HSPA12A: variants seen among roughly 807,000 people sequenced by gnomAD.
The protein encoded by HSPA12A is heat shock protein family A (Hsp70) member 12A, also known as heat shock 70 kDa protein 12A.
Under a neutral mutation model 69.2 loss-of-function variants are expected in HSPA12A, and 28 were observed. The observed-to-expected ratio is 0.40, with a 90% CI of 0.30 to 0.55. The LOEUF (loss-of-function observed/expected upper bound fraction) is 0.55, where lower values mean the gene tolerates loss of function less well. HSPA12A is among the 20% of genes least tolerant of loss of function. HSPA12A has a pLI of 0.38. For synonymous variants in HSPA12A, 345 were observed against 370.5 expected, an observed-to-expected ratio of 0.93 and a Z score of 0.79; for missense variants, 686 against 900.7, an observed-to-expected ratio of 0.76 and a Z score of 3.05.
At chr10:116,847,786 T>C (rs1023551) in intron 1 of HSPA12A, among the ~76,000 whole-genome samples, 83,031 of 152,082 alleles carry the variant, frequency 0.55, 26,299 homozygotes, top group Middle Eastern at 0.72. Context: ...AAATGGGTTA[T>C]AGGGTTATAG....
rs989258091 is a variant in HSPA12A, at chr10:116,774,968, C to T, written c.91+59967G>A. On this transcript the variant is annotated intron_variant, in intron 2 of 12. Coordinates refer to the HSPA12A transcript ENST00000635765. The stretch of plus-strand genomic sequence containing the variant: ...CAAGGGCCCCAGGTCGACTGCTACA[C>T]ACCCACCGCCACTGCTCCCAACTGT... Among the ~76,000 whole-genome samples, 10 of 149,420 alleles carry T rather than the reference C, an allele frequency of 6.7e-5. No individual in the cohort carries two copies. The Admixed American group carries it at 6.7e-4, about 10-fold the overall frequency.
At chr10:116,684,396 T>C (rs1050499766) in intron 6 of HSPA12A, among the ~76,000 whole-genome samples, 1 of 152,078 alleles carries the variant, frequency 6.6e-6, no homozygotes, top group African/African-American at 2.4e-5. Flanking sequence ...AGGTGATCTG[T>C]TCTCAGTTGT....
intron 2 of HSPA12A, among the ~76,000 whole-genome samples, chr10:116,772,775 G>A (rs2133120460): frequency 6.6e-6 from 1 of 152,010 alleles, no homozygotes; most frequent in Non-Finnish European, 1.5e-5. Flanking sequence ...GCTCACTGCA[G>A]CCTCAACCTC....
chr10:116,673,596 G>A lies in HSPA12A; in HGVS notation c.*1185C>T, dbSNP rs1364629947. The A allele has an allele frequency of 1.3e-5, 2 of 152,182 alleles. No individual in the cohort carries two copies. The highest frequency in any genetic ancestry group is 2.9e-5 in the Non-Finnish European group (2 of 68,042). The allele number at this position is 152,182 out of a possible 1,614,324, so 9.4% of individuals were successfully genotyped here. ...CTCAGTTAAAAAGGGCTCAGATCCAGGAACCTGTTCTGAACACGCACCCAG... is the reference window on the plus strand; with the variant it reads ...CTCAGTTAAAAAGGGCTCAGATCCAAGAACCTGTTCTGAACACGCACCCAG... On this transcript the variant is annotated 3_prime_UTR_variant, in exon 12 of 12. Transcript: ENST00000369209.
intron 1 of HSPA12A, among the ~76,000 whole-genome samples, chr10:116,724,465 C>A (rs947662553): frequency 1.1e-4 from 17 of 152,248 alleles, no homozygotes; most frequent in African/African-American, 4.1e-4. Flanking sequence ...ATCTCCTCTT[C>A]TAAAAGAGAA....
intron 6 of HSPA12A, among the ~76,000 whole-genome samples, chr10:116,685,908 T>C (rs1427146655): frequency 1.3e-5 from 2 of 152,190 alleles, no homozygotes; most frequent in African/African-American, 2.4e-5. Context: ...ACCACTCTCG[T>C]GTCCTGCACT....
At chr10:116,776,450 C>T (rs1638407) in intron 2 of HSPA12A, among the ~76,000 whole-genome samples, 39,821 of 152,158 alleles carry the variant, frequency 0.26, 5,412 homozygotes, top group African/African-American at 0.33. Flanking sequence ...TAAAACTCTA[C>T]GCTCAAAATC....
intron 2 of HSPA12A, among the ~76,000 whole-genome samples, chr10:116,796,449 T>C (rs920733568): frequency 2.0e-5 from 3 of 152,112 alleles, no homozygotes; most frequent in East Asian, 3.9e-4. Context: ...TGTCCTGCCC[T>C]GTGGGTCTTG....
rs1334055290 is a variant in HSPA12A, at chr10:116,672,621, TATC to T, written c.*2157_*2159del. ...GGAAAATTAAGGACAGTAACAAAAG[TATC>T]ATCAACAAAAATCAAGCATTTTCCT... On this transcript the variant is annotated 3_prime_UTR_variant, in exon 12 of 12. Coordinates refer to ENST00000369209, the MANE Select transcript of HSPA12A (RefSeq NM_025015.3). 5.2e-5 allele frequency: 8 copies of T among 152,554 alleles called. No individual in the cohort carries two copies. Among genetic ancestry groups the T allele is most frequent in the African/African-American group, 1.9e-4 (8 of 41,430 alleles). The allele number at this position is 152,554 out of a possible 1,614,324, so 9.5% of individuals were successfully genotyped here.
chr10:116,796,942 A>C (rs1307360518), intron 2 of HSPA12A, among the ~76,000 whole-genome samples: 16 of 152,194 alleles, frequency 1.1e-4, no homozygotes, highest in Non-Finnish European at 2.9e-5. Context: ...TAGCAGGGTT[A>C]CTTGGGGCCC....
At chr10:116,700,072 C>G (rs1467408894) in intron 4 of HSPA12A, among the ~76,000 whole-genome samples, 3 of 152,150 alleles carry the variant, frequency 2.0e-5, no homozygotes, top group Admixed American at 1.3e-4. Flanking sequence ...TACAAAATCC[C>G]CATGAGGAAG....
chr10:116,681,853 C>G lies in HSPA12A; in HGVS notation c.860G>C (p.Arg287Pro). 6.2e-7 allele frequency: 1 copy of G among 1,614,114 alleles called. No individual in the cohort carries two copies. Among genetic ancestry groups the G allele is most frequent in the Non-Finnish European group, 8.5e-7 (1 of 1,179,996 alleles). The change falls in exon 8 of 12, where the codon CGG becomes CCG. Residue 287 changes from arginine to proline, a missense_variant. By Grantham distance (103) the Arg-to-Pro change is moderately radical (BLOSUM62 -2). Coordinates refer to ENST00000369209, the MANE Select transcript of HSPA12A (RefSeq NM_025015.3). ...CTCCACCAAAAAGGTCCGACTCTGC[C>G]GATTACGCCGTATGTGTTCCTTAGC... ...TQAKEHIRRN[R>P]QSRTFLVENV...
Position 116,674,636 on chromosome 10 carries a change from T to C in HSPA12A, c.*145A>G, listed in dbSNP as rs1554877239. ...GTGTGCCCTCAAAAGTCACTAATTA[T>C]TTCTAGCCCTGATTGTTCTCATCTT... is the stretch of plus-strand genomic sequence containing the variant. On this transcript the variant is annotated 3_prime_UTR_variant, in exon 12 of 12. Coordinates refer to ENST00000369209, the MANE Select transcript of HSPA12A (RefSeq NM_025015.3). 9 of 790,468 alleles carry C rather than the reference T, an allele frequency of 1.1e-5. No individual in the cohort carries two copies. The highest frequency in any genetic ancestry group is 1.6e-5 in the Non-Finnish European group (8 of 506,134). The allele number at this position is 790,468 out of a possible 1,614,324, so 49.0% of individuals were successfully genotyped here.
chr10:116,786,315 C>T (rs1039845331), intron 2 of HSPA12A, among the ~76,000 whole-genome samples: 17 of 152,106 alleles, frequency 1.1e-4, no homozygotes, highest in African/African-American at 4.1e-4. Context: ...AAACAGGCTG[C>T]GCAGAACAAC....
intron 10 of HSPA12A, 57 bp downstream of exon 10, chr10:116,679,446 A>G: frequency 1.3e-6 from 2 of 1,596,822 alleles, no homozygotes; most frequent in Non-Finnish European, 1.7e-6. Flanking sequence ...CCTCTCTCCC[A>G]TCAGCACGAT....
At chr10:116,799,948 A>T (rs1844920061) in intron 2 of HSPA12A, among the ~76,000 whole-genome samples, 1 of 152,206 alleles carries the variant, frequency 6.6e-6, no homozygotes, top group Non-Finnish European at 1.5e-5. Context: ...CTAGCAGGTG[A>T]ATGAAAAAGT....
chr10:116,837,511 C>T (rs1845735371), intron 1 of HSPA12A, among the ~76,000 whole-genome samples: 1 of 152,198 alleles, frequency 6.6e-6, no homozygotes, highest in Non-Finnish European at 1.5e-5. Flanking sequence ...GCACAGAGAA[C>T]TGAGCTATAA....
At chr10:116,792,405 G>A (rs569609201) in intron 2 of HSPA12A, among the ~76,000 whole-genome samples, 3 of 152,064 alleles carry the variant, frequency 2.0e-5, no homozygotes, top group African/African-American at 7.2e-5. Context: ...AAGATATATG[G>A]GGGTGAGAAC....
chr10:116,769,892 G>T (rs1554890210), intron 2 of HSPA12A, among the ~76,000 whole-genome samples: 1 of 152,166 alleles, frequency 6.6e-6, no homozygotes, highest in African/African-American at 2.4e-5. Context: ...CTCAAGTGCA[G>T]GCCTCGGCTC....
Sources: gnomAD v4.1 joint callset for allele counts (sites outside exome capture counted in the v4.1 genomes callset) on GRCh38, gnomAD v4.1.1 for gene constraint, MANE v1.5 for transcripts, NCBI Gene and HGNC (gene_info 2026-07-23, HGNC 2026-07-21) for gene names.